Variants in KCNIP4 observed in about 807,000 individuals in gnomAD.
The protein encoded by KCNIP4 is potassium voltage-gated channel interacting protein 4.
In KCNIP4, 12 loss-of-function variants were observed where a neutral mutation model predicts 34.0. The observed-to-expected ratio is 0.35, with a 90% CI of 0.23 to 0.57. The LOEUF (loss-of-function observed/expected upper bound fraction) is 0.57. Ranked by LOEUF, KCNIP4 falls within the 20% of genes least tolerant of loss-of-function variation. The pLI is 0.83. For missense variants in KCNIP4, 238 were observed against 311.7 expected, an observed-to-expected ratio of 0.76 and a Z score of 1.78; for synonymous variants, 124 against 102.2, an observed-to-expected ratio of 1.21 and a Z score of -1.29.
At chr4:21,153,569 T>C (rs1480312482) in intron 1 of KCNIP4, among the ~76,000 whole-genome samples, 2 of 150,254 alleles carry the variant, frequency 1.3e-5, no homozygotes, top group East Asian at 3.9e-4. Context: ...TATGAATTGT[T>C]GGTTCTTCTC....
At chr4:21,791,386 G>A (rs1028495299) in intron 1 of KCNIP4, among the ~76,000 whole-genome samples, 1 of 152,128 alleles carries the variant, frequency 6.6e-6, no homozygotes, top group African/African-American at 2.4e-5. Context: ...CAGGAATTGC[G>A]GGGCAGAAGG....
intron 1 of KCNIP4, among the ~76,000 whole-genome samples, chr4:20,933,174 G>A (rs1191397025): frequency 6.6e-6 from 1 of 152,038 alleles, no homozygotes; most frequent in African/African-American, 2.4e-5. Flanking sequence ...AACCTGGAAG[G>A]CAGAGGTTGC....
intron 1 of KCNIP4, among the ~76,000 whole-genome samples, chr4:21,538,271 T>C (rs898401317): frequency 1.3e-5 from 2 of 152,050 alleles, no homozygotes; most frequent in Non-Finnish European, 2.9e-5. Flanking sequence ...AGATAGTAAA[T>C]TTCTATTGTT....
intron 1 of KCNIP4, among the ~76,000 whole-genome samples, chr4:21,436,745 G>A (rs868236891): frequency 1.3e-5 from 2 of 152,148 alleles, no homozygotes; most frequent in Non-Finnish European, 2.9e-5. Flanking sequence ...TCTTGTAAAG[G>A]TGATTAGAAT....
intron 1 of KCNIP4, among the ~76,000 whole-genome samples, chr4:21,417,353 A>G (rs1725042898): frequency 6.6e-6 from 1 of 151,954 alleles, no homozygotes; most frequent in Non-Finnish European, 1.5e-5. Context: ...TGCACCAGAT[A>G]AGGGACTTAG....
intron 1 of KCNIP4, among the ~76,000 whole-genome samples, chr4:21,842,969 A>C (rs1578058837): frequency 6.6e-6 from 1 of 152,090 alleles, no homozygotes; most frequent in East Asian, 1.9e-4. Context: ...GCAAATAATA[A>C]GTGCTCAGTA....
intron 1 of KCNIP4, among the ~76,000 whole-genome samples, chr4:21,216,684 T>C (rs1353288704): frequency 6.6e-6 from 1 of 152,188 alleles, no homozygotes; most frequent in African/African-American, 2.4e-5. Context: ...CTTGTTAAAC[T>C]AGTATATGGT....
At chr4:21,653,622 A>G (rs1435654884) in intron 1 of KCNIP4, among the ~76,000 whole-genome samples, 1 of 152,230 alleles carries the variant, frequency 6.6e-6, no homozygotes, top group Non-Finnish European at 1.5e-5. Context: ...TATGAATTTT[A>G]GAGTCCAGCA....
intron 1 of KCNIP4, among the ~76,000 whole-genome samples, chr4:21,670,087 G>T (rs1749353659): frequency 6.6e-6 from 1 of 152,094 alleles, no homozygotes; most frequent in African/African-American, 2.4e-5. Flanking sequence ...ACTCATAAAT[G>T]ATAGAAAAAT....
At chr4:21,257,743 C>T (rs1761162034) in intron 1 of KCNIP4, among the ~76,000 whole-genome samples, 2 of 131,120 alleles carry the variant, frequency 1.5e-5, no homozygotes, top group Admixed American at 7.7e-5. Flanking sequence ...CAGCAAGACT[C>T]AGTCTCAAAA....
chr4:20,915,434 AG>A (rs1198687939), intron 1 of KCNIP4, among the ~76,000 whole-genome samples: 9 of 152,216 alleles, frequency 5.9e-5, no homozygotes, highest in African/African-American at 2.2e-4. Flanking sequence ...AGTAACTAAA[AG>A]ATAATTTTTT....
At chr4:21,327,939 A>G (rs1319700457) in intron 1 of KCNIP4, among the ~76,000 whole-genome samples, 1 of 152,066 alleles carries the variant, frequency 6.6e-6, no homozygotes, top group African/African-American at 2.4e-5. Context: ...TTTATCTAAT[A>G]GATTTCTGAA....
chr4:21,244,818 CA>C (rs1172532793), intron 1 of KCNIP4, among the ~76,000 whole-genome samples: 1 of 152,064 alleles, frequency 6.6e-6, no homozygotes, highest in Non-Finnish European at 1.5e-5. Context: ...GCTAAGTCCT[CA>C]ATAACAATAA....
At chr4:21,384,474 A>G (rs1452345350) in intron 1 of KCNIP4, among the ~76,000 whole-genome samples, 1 of 152,220 alleles carries the variant, frequency 6.6e-6, no homozygotes, top group Non-Finnish European at 1.5e-5. Flanking sequence ...GAAACAGGGA[A>G]CAATGGGAAG....
intron 1 of KCNIP4, among the ~76,000 whole-genome samples, chr4:21,861,511 G>A (rs1405923930): frequency 2.0e-5 from 3 of 151,968 alleles, no homozygotes; most frequent in Non-Finnish European, 2.9e-5. Flanking sequence ...AATTAGCTAG[G>A]CATGGTGGTT....
chr4:21,391,284 A>G (rs757935829), intron 1 of KCNIP4, among the ~76,000 whole-genome samples: 12 of 152,120 alleles, frequency 7.9e-5, no homozygotes, highest in Non-Finnish European at 1.6e-4. Context: ...TAGTATTGTA[A>G]TTTCCATTTA....
chr4:21,508,393 A>G (rs1244727747), intron 1 of KCNIP4, among the ~76,000 whole-genome samples: 1 of 152,190 alleles, frequency 6.6e-6, no homozygotes, highest in African/African-American at 2.4e-5. Flanking sequence ...AAATATAATT[A>G]TGCTTATTAT....
intron 1 of KCNIP4, among the ~76,000 whole-genome samples, chr4:21,820,285 G>GTGTA (rs1169931084): frequency 2.4e-4 from 5 of 20,666 alleles, no homozygotes; most frequent in African/African-American, 4.7e-4. Flanking sequence ...GTGTGTGTGT[G>GTGTA]TATATATATA....
chr4:21,085,273 C>A (rs1042209306), intron 1 of KCNIP4, among the ~76,000 whole-genome samples: 1 of 152,094 alleles, frequency 6.6e-6, no homozygotes, highest in Admixed American at 6.6e-5. Flanking sequence ...CAGCTATCGG[C>A]AAACCAGAAA....
Sources: allele counts gnomAD v4.1 joint callset (sites outside exome capture counted in the v4.1 genomes callset), GRCh38; gene constraint gnomAD v4.1.1; transcripts MANE v1.5; gene names NCBI Gene and HGNC (gene_info 2026-07-23, HGNC 2026-07-21).